Variants in MAPK10 observed in about 807,000 individuals in gnomAD.
MAPK10 encodes mitogen-activated protein kinase 10.
MAPK10 carries 25 observed loss-of-function variants against 59.3 expected under a neutral mutation model. The observed-to-expected ratio is 0.42, with a 90% CI of 0.31 to 0.59. MAPK10 has a LOEUF of 0.59. Among genes scored for constraint, MAPK10 ranks in the 20% least tolerant of loss-of-function variants. The probability of loss-of-function intolerance (pLI) is 0.15; values close to 1 mark genes in which losing one functional copy is unlikely to be tolerated. For synonymous variants in MAPK10, 190 were observed against 200.5 expected (o/e 0.95, Z 0.44); for missense variants, 351 against 568.9 (o/e 0.62, Z 3.90).
chr4:86,135,281 T>C (rs993356933), intron 4 of MAPK10, among the ~76,000 whole-genome samples: 17 of 152,124 alleles, frequency 1.1e-4, no homozygotes, highest in African/African-American at 4.1e-4. Context: ...GACTTAAATG[T>C]CCCTGTCTGA....
At chr4:86,204,621 C>T (rs555575977) in intron 2 of MAPK10, among the ~76,000 whole-genome samples, 11 of 152,066 alleles carry the variant, frequency 7.2e-5, no homozygotes, top group South Asian at 2.1e-4. Context: ...AACCTCAGAA[C>T]GGTGACAACT....
intron 2 of MAPK10, among the ~76,000 whole-genome samples, chr4:86,245,025 C>T (rs1295644654): frequency 1.3e-5 from 2 of 152,116 alleles, no homozygotes; most frequent in Non-Finnish European, 2.9e-5. Context: ...TTCTTATAAA[C>T]ATTAATATAG....
rs1728388604 is a variant in MAPK10 at position 86,346,644 on chromosome 4, C to T, written c.-7+7886G>A. 2.0e-5 allele frequency among the ~76,000 whole-genome samples: 3 copies of T among 151,234 alleles called. No individual in the cohort carries two copies. In the South Asian group the frequency reaches 6.3e-4, roughly 32 times the overall value. ...AACCAAATCCACACATACTCAAGTC[C>T]AACAATCAGCCTTATAGGAAAAGTC... On this transcript the variant is annotated intron_variant, in intron 2 of 13. Coordinates refer to ENST00000641462, the MANE Select transcript of MAPK10 (RefSeq NM_138982.4).
At chr4:86,452,050 C>G (rs951378391) in intron 1 of MAPK10, among the ~76,000 whole-genome samples, 1 of 152,154 alleles carries the variant, frequency 6.6e-6, no homozygotes, top group African/African-American at 2.4e-5. Context: ...AAAGATTAAA[C>G]GAGATGCCCA....
chr4:86,575,879 A>C (rs1173842067), intron 1 of MAPK10, among the ~76,000 whole-genome samples: 43 of 151,916 alleles, frequency 2.8e-4, no homozygotes, highest in Non-Finnish European at 7.4e-5. Context: ...ATGAGAGAGA[A>C]GATAACAATA....
At chr4:86,436,952 C>T (rs1173224552) in intron 1 of MAPK10, among the ~76,000 whole-genome samples, 1 of 152,078 alleles carries the variant, frequency 6.6e-6, no homozygotes, top group Non-Finnish European at 1.5e-5. Flanking sequence ...GTGGCTCATG[C>T]CTGTAATCCC....
intron 2 of MAPK10, among the ~76,000 whole-genome samples, chr4:86,232,443 G>A (rs1180755961): frequency 6.6e-6 from 1 of 150,424 alleles, no homozygotes; most frequent in African/African-American, 2.5e-5. Context: ...GCACCATCTC[G>A]GCTCACTGCA....
At chr4:86,369,427 T>C (rs992283086) in intron 1 of MAPK10, among the ~76,000 whole-genome samples, 6 of 152,172 alleles carry the variant, frequency 3.9e-5, no homozygotes, top group Non-Finnish European at 8.8e-5. Flanking sequence ...TATCAAACAA[T>C]AGTACAAGTA....
At chr4:86,588,697 A>G (rs572148942) in intron 1 of MAPK10, among the ~76,000 whole-genome samples, 13 of 152,342 alleles carry the variant, frequency 8.5e-5, no homozygotes, top group African/African-American at 2.9e-4. Context: ...ATAAATTGTG[A>G]AAGACATTGA....
At chr4:86,513,991 C>T (rs1756471392) in intron 1 of MAPK10, among the ~76,000 whole-genome samples, 1 of 152,122 alleles carries the variant, frequency 6.6e-6, no homozygotes, top group East Asian at 1.9e-4. Context: ...CCAGACCAAA[C>T]CAGGACTGGT....
At chr4:86,404,018 C>G (rs1440669851) in intron 1 of MAPK10, among the ~76,000 whole-genome samples, 3 of 152,124 alleles carry the variant, frequency 2.0e-5, no homozygotes, top group African/African-American at 7.2e-5. Flanking sequence ...ATGACATATT[C>G]AATACCAAAA....
intron 1 of MAPK10, among the ~76,000 whole-genome samples, chr4:86,431,919 ACTCT>A (rs1047979572): frequency 2.4e-4 from 36 of 151,874 alleles, no homozygotes; most frequent in African/African-American, 8.5e-4. Context: ...GGACATGAAA[ACTCT>A]CTCTGTGTAT....
chr4:86,131,221 C>G (rs2060941881), intron 4 of MAPK10, among the ~76,000 whole-genome samples: 1 of 152,092 alleles, frequency 6.6e-6, no homozygotes, highest in South Asian at 2.1e-4. Flanking sequence ...AACTTACTTT[C>G]ATTTTGATAG....
At chr4:86,030,205 T>G (rs116014464) in intron 12 of MAPK10, among the ~76,000 whole-genome samples, 1 of 152,296 alleles carries the variant, frequency 6.6e-6, no homozygotes, top group Non-Finnish European at 1.5e-5. Flanking sequence ...ATCAAGCATC[T>G]TTTTTCACTT....
At chr4:86,062,778 C>T (rs927091040) in intron 11 of MAPK10, among the ~76,000 whole-genome samples, 4 of 152,168 alleles carry the variant, frequency 2.6e-5, no homozygotes, top group African/African-American at 7.2e-5. Flanking sequence ...ACATATACAT[C>T]ATACTTTCTC....
intron 1 of MAPK10, among the ~76,000 whole-genome samples, chr4:86,512,315 T>C (rs1156897110): frequency 1.3e-5 from 2 of 152,214 alleles, no homozygotes; most frequent in Admixed American, 1.3e-4. Flanking sequence ...CTACTTTCTC[T>C]TTATAACAGA....
At chr4:86,257,352 A>AG (rs1323794285) in intron 2 of MAPK10, among the ~76,000 whole-genome samples, 1 of 152,226 alleles carries the variant, frequency 6.6e-6, no homozygotes, top group East Asian at 1.9e-4. Context: ...ATTTGCTAAT[A>AG]AAAAGGATGA....
chr4:86,084,164 G>A (rs1451116564), intron 9 of MAPK10, among the ~76,000 whole-genome samples: 2 of 152,146 alleles, frequency 1.3e-5, no homozygotes, highest in Non-Finnish European at 2.9e-5. Context: ...AAAAGCAGAG[G>A]GAAAGTAAAG....
intron 2 of MAPK10, among the ~76,000 whole-genome samples, chr4:86,352,462 A>C (rs986039517): frequency 8.5e-5 from 13 of 152,156 alleles, no homozygotes; most frequent in African/African-American, 3.1e-4. Context: ...TACATGCTGT[A>C]ACTCCAAATA....
Sources: gnomAD v4.1 joint callset for allele counts (sites outside exome capture counted in the v4.1 genomes callset) on GRCh38, gnomAD v4.1.1 for gene constraint, MANE v1.5 for transcripts, NCBI Gene and HGNC (gene_info 2026-07-23, HGNC 2026-07-21) for gene names.